BCL2L13: variants seen among roughly 807,000 people sequenced by gnomAD.
BCL2L13 encodes bcl-2-like protein 13.
A neutral mutation model predicts 25.8 loss-of-function variants in BCL2L13; 13 were observed. The observed-to-expected ratio is 0.50, with a 90% CI of 0.33 to 0.80. The LOEUF is 0.80. BCL2L13 is among the 30% of genes least tolerant of loss of function. The probability of loss-of-function intolerance (pLI) is 0.02; values close to 1 mark genes in which losing one functional copy is unlikely to be tolerated. For missense variants in BCL2L13, 504 were observed against 574.9 expected (o/e 0.88, Z 1.26); for synonymous variants, 244 against 230.3 (o/e 1.06, Z -0.54).
chr22:17,670,328 A>G (rs2059376168), intron 2 of BCL2L13, among the ~76,000 whole-genome samples: 1 of 149,518 alleles, frequency 6.7e-6, no homozygotes, highest in Admixed American at 6.7e-5. Context: ...TGGGGATTAC[A>G]TTAATGTGTA....
Position 17,689,151 on chromosome 22 carries a change from C to T in BCL2L13, c.386+9C>T, listed in dbSNP as rs1390076905. ...CAAATGCTCCTGAGCCAGTGAGTTA[C>T]ACTGCTGAGTGGGATGTGCTTCTTT... On this transcript the variant is annotated intron_variant, in intron 4 of 6. Coordinates refer to ENST00000317582, the MANE Select transcript of BCL2L13 (RefSeq NM_015367.4). The T allele has an allele frequency of 1.2e-6, 2 of 1,613,334 alleles. No homozygotes were observed.
chr22:17,683,132 C>CAA (rs34013263), intron 2 of BCL2L13, 82 bp from the exon 3 acceptor site: 59,107 of 587,468 alleles, frequency 0.1, 1,936 homozygotes, highest in Non-Finnish European at 0.12. Context: ...GACTCCGTCT[C>CAA]AAAAAAAAAA....
intron 4 of BCL2L13, among the ~76,000 whole-genome samples, chr22:17,689,829 C>A (rs1385793746): frequency 2.3e-5 from 3 of 127,972 alleles, no homozygotes; most frequent in Non-Finnish European, 4.8e-5. Context: ...GGTGACAGAG[C>A]GAGACTCCAT....
At chr22:17,722,944 CT>C (rs1351394550) in intron 6 of BCL2L13, among the ~76,000 whole-genome samples, 3 of 152,046 alleles carry the variant, frequency 2.0e-5, no homozygotes, top group African/African-American at 7.2e-5. Context: ...AAATGTACTT[CT>C]TTTTTAATAG....
intron 6 of BCL2L13, among the ~76,000 whole-genome samples, chr22:17,720,090 G>A (rs2587095): frequency 0.15 from 22,018 of 151,236 alleles, 2,054 homozygotes; most frequent in Non-Finnish European, 0.21. Flanking sequence ...TTGTAATGTG[G>A]TTGCACAACA....
chr22:17,684,739 ATT>A (rs754796363), intron 3 of BCL2L13: 1,262 of 318,524 alleles, frequency 4.0e-3, no homozygotes, highest in East Asian at 9.4e-3. Flanking sequence ...AATTTTTTGT[ATT>A]TTTTTTTTTT....
intron 1 of BCL2L13, among the ~76,000 whole-genome samples, chr22:17,654,961 C>T (rs1444372583): frequency 1.3e-5 from 2 of 152,068 alleles, no homozygotes; most frequent in African/African-American, 2.4e-5. Context: ...TGGACTCAAG[C>T]AGTCCTCCCA....
Position 17,727,026 on chromosome 22 carries a change from A to C in BCL2L13, c.950A>C (p.Glu317Ala). 6.2e-7 allele frequency: 1 copy of C among 1,614,210 alleles called. No individual in the cohort carries two copies. The highest frequency in any genetic ancestry group is 8.5e-7 in the Non-Finnish European group (1 of 1,180,040). Residue 317 changes from glutamate (E) to alanine (A), a missense_variant, in exon 7 of 7, where the codon GAG becomes GCG. Transcript: ENST00000317582. ...IVHVEKEEVPEGMEEAAVASV... is the reference protein window; with the variant it reads ...IVHVEKEEVPAGMEEAAVASV... Reference sequence around the variant, plus strand: ...CACGTGGAGAAAGAAGAGGTGCCCGAGGGCATGGAAGAGGCTGCTGTGGCT... The same window carrying C: ...CACGTGGAGAAAGAAGAGGTGCCCGCGGGCATGGAAGAGGCTGCTGTGGCT...
intron 6 of BCL2L13, among the ~76,000 whole-genome samples, chr22:17,723,653 G>A (rs1912073613): frequency 6.6e-6 from 1 of 152,098 alleles, no homozygotes; most frequent in African/African-American, 2.4e-5. Context: ...CTATACCTCG[G>A]GCCGGGCGCG....
At position 17,631,670 on chromosome 22, in the gene BCL2L13, GTATATATATATATA is replaced by G. The variant is rs1181793721; in HGVS notation, c.-650+2689_-650+2702del. Among the ~76,000 whole-genome samples the G allele has an allele frequency of 5.9e-3, 158 of 26,868 alleles. 5 individuals are homozygous for G. The highest frequency in any genetic ancestry group is 0.018 in the South Asian group (9 of 500). 17.6% of individuals were successfully genotyped at this position (26,868 alleles called of 152,430 possible). ...CGTGTGTGTATGTATGTGTGTGTGTGTATATATATATATATATATATATATATATATATATATTT... is the reference window on the plus strand; with the variant it reads ...CGTGTGTGTATGTATGTGTGTGTGTGTATATATATATATATATATATATTT... On this transcript the variant is annotated intron_variant, in intron 1 of 6. Transcript: ENST00000399782.
At chr22:17,634,121 C>G (rs1260188236), upstream of BCL2L13, among the ~76,000 whole-genome samples, 1 of 152,116 alleles carries the variant, frequency 6.6e-6, no homozygotes, top group East Asian at 1.9e-4. Context: ...TGGTCACTCT[C>G]TCACCTTCTT....
chr22:17,685,312 G>A (rs1247314481), intron 3 of BCL2L13, among the ~76,000 whole-genome samples: 2 of 151,960 alleles, frequency 1.3e-5, no homozygotes, highest in Admixed American at 6.6e-5. Flanking sequence ...TGCAACCTCC[G>A]ACTTTAAGGT....
Position 17,696,131 on chromosome 22 carries a change from A to G in BCL2L13, c.387-10A>G. The G allele has an allele frequency of 6.2e-7, 1 of 1,610,218 alleles. No homozygotes were observed. Among genetic ancestry groups the G allele is most frequent in the Non-Finnish European group, 8.5e-7 (1 of 1,176,548 alleles). Reference sequence around the variant, plus strand: ...CTTTGTGACACAGACTTTTAAAAAAATCTCTACAGGCCAGTGACATATCAG... The same window carrying G: ...CTTTGTGACACAGACTTTTAAAAAAGTCTCTACAGGCCAGTGACATATCAG... On this transcript the variant is annotated splice_polypyrimidine_tract_variant and intron_variant, in intron 4 of 6. Coordinates refer to ENST00000317582, the MANE Select transcript of BCL2L13 (RefSeq NM_015367.4).
At position 17,727,765 on chromosome 22, in the gene BCL2L13, G is replaced by T. The variant is rs530376185; in HGVS notation, c.*231G>T. The T allele has an allele frequency of 5.0e-6, 3 of 602,056 alleles. No individual in the cohort carries two copies. The South Asian group carries it at 6.2e-5, about 13-fold the overall frequency. 37.3% of individuals were successfully genotyped at this position (602,056 alleles called of 1,614,324 possible). On this transcript the variant is annotated 3_prime_UTR_variant, in exon 7 of 7. Coordinates refer to ENST00000317582, the MANE Select transcript of BCL2L13 (RefSeq NM_015367.4). ...GCTCATGCTAAATTGAGAATCTTAG[G>T]GGTAAAGCACCCCCTCCAGGACCGG...
At chr22:17,690,265 G>T (rs1348222963) in intron 4 of BCL2L13, among the ~76,000 whole-genome samples, 1 of 152,090 alleles carries the variant, frequency 6.6e-6, no homozygotes, top group Non-Finnish European at 1.5e-5. Context: ...GGCGGAGGTT[G>T]CAGTGAGCTG....
chr22:17,670,109 C>A (rs893428792), intron 2 of BCL2L13, among the ~76,000 whole-genome samples: 1 of 152,102 alleles, frequency 6.6e-6, no homozygotes, highest in African/African-American at 2.4e-5. Flanking sequence ...CTTCTCAATT[C>A]AATTCCATTG....
intron 6 of BCL2L13, among the ~76,000 whole-genome samples, chr22:17,722,378 G>GC (rs1491171137): frequency 0.056 from 6,847 of 122,046 alleles, 299 homozygotes; most frequent in African/African-American, 0.12. Flanking sequence ...AGACTACAGG[G>GC]GTGTGTGTGT....
chr22:17,685,093 T>G (rs13058451), intron 3 of BCL2L13, among the ~76,000 whole-genome samples: 1 of 151,924 alleles, frequency 6.6e-6, no homozygotes, highest in Non-Finnish European at 1.5e-5. Flanking sequence ...AGGCTGGTCT[T>G]GAACTCCTGA....
At chr22:17,657,954 C>T (rs775532443) in intron 2 of BCL2L13, among the ~76,000 whole-genome samples, 37 of 150,474 alleles carry the variant, frequency 2.5e-4, no homozygotes, top group Non-Finnish European at 3.2e-4. Context: ...TCCCGAGTAG[C>T]TGGGATTACA....
Sources: allele counts gnomAD v4.1 joint callset (sites outside exome capture counted in the v4.1 genomes callset), GRCh38; gene constraint gnomAD v4.1.1; transcripts MANE v1.5; gene names NCBI Gene and HGNC (gene_info 2026-07-23, HGNC 2026-07-21).